Variants in KCNIP4 observed in about 807,000 individuals in gnomAD.
The protein encoded by KCNIP4 is Kv channel-interacting protein 4.
Under a neutral mutation model 34.0 loss-of-function variants are expected in KCNIP4, and 12 were observed. The observed-to-expected ratio is 0.35, with a 90% CI of 0.23 to 0.57. KCNIP4 has a LOEUF of 0.57. KCNIP4 is among the 20% of genes least tolerant of loss of function. The pLI is 0.83. For missense variants in KCNIP4, 238 were observed against 311.7 expected, an observed-to-expected ratio of 0.76 and a Z score of 1.78; for synonymous variants, 124 against 102.2, an observed-to-expected ratio of 1.21 and a Z score of -1.29.
chr4:21,379,509 T>C lies in KCNIP4; in HGVS notation c.62-496800A>G, dbSNP rs940931692. On this transcript the variant is annotated intron_variant, in intron 1 of 8. Coordinates refer to ENST00000382152, the MANE Select transcript of KCNIP4 (RefSeq NM_025221.6). ...ACTTCCAACAATGCTGCATTTAAGT[T>C]TTACTACTAGGTGGGAGAGTTTCTC... Among the ~76,000 whole-genome samples, 30 of 152,172 alleles carry C rather than the reference T, an allele frequency of 2.0e-4. 1 individual carries two copies. The highest frequency in any genetic ancestry group is 2.0e-3 in the Admixed American group (30 of 15,274).
chr4:20,963,264 T>C (rs1337102369), intron 1 of KCNIP4, among the ~76,000 whole-genome samples: 1 of 151,810 alleles, frequency 6.6e-6, no homozygotes, highest in East Asian at 1.9e-4. Context: ...GAATCAGAGG[T>C]TGCAGTGAGC....
At chr4:21,621,649 T>C (rs871500) in intron 1 of KCNIP4, among the ~76,000 whole-genome samples, 43,417 of 152,056 alleles carry the variant, frequency 0.29, 6,485 homozygotes, top group Non-Finnish European at 0.32. Context: ...CGAGCCACCA[T>C]GTTCGGCCAC....
intron 1 of KCNIP4, among the ~76,000 whole-genome samples, chr4:21,880,347 A>G (rs1726393135): frequency 1.3e-5 from 2 of 152,186 alleles, no homozygotes; most frequent in African/African-American, 2.4e-5. Context: ...AAGGTATGAA[A>G]TTTTAAGGCA....
At chr4:21,538,404 G>GAGGT (rs1473593823) in intron 1 of KCNIP4, among the ~76,000 whole-genome samples, 6 of 152,154 alleles carry the variant, frequency 3.9e-5, no homozygotes, top group Admixed American at 3.9e-4. Flanking sequence ...GAACAATGGA[G>GAGGT]AGGTATACCT....
chr4:21,390,938 T>A (rs111555398), intron 1 of KCNIP4, among the ~76,000 whole-genome samples: 1 of 152,214 alleles, frequency 6.6e-6, no homozygotes, highest in African/African-American at 2.4e-5. Context: ...CAACAGTGCA[T>A]GAAGGTTCTA....
At chr4:21,419,085 G>A (rs967004718) in intron 1 of KCNIP4, among the ~76,000 whole-genome samples, 2 of 152,138 alleles carry the variant, frequency 1.3e-5, no homozygotes, top group African/African-American at 4.8e-5. Flanking sequence ...ACTATGCATG[G>A]AATACGAATC....
At chr4:21,316,663 G>T (rs1040837088) in intron 1 of KCNIP4, among the ~76,000 whole-genome samples, 1 of 152,172 alleles carries the variant, frequency 6.6e-6, no homozygotes, top group Non-Finnish European at 1.5e-5. Context: ...CAGTCTGATA[G>T]CAAGTACAGA....
intron 1 of KCNIP4, among the ~76,000 whole-genome samples, chr4:21,926,057 CT>C (rs1334026745): frequency 6.6e-6 from 1 of 152,168 alleles, no homozygotes; most frequent in Non-Finnish European, 1.5e-5. Flanking sequence ...GAGTTGGTAA[CT>C]TGGAAAAGAT....
At chr4:20,776,006 T>A (rs1363954892) in intron 3 of KCNIP4, among the ~76,000 whole-genome samples, 1 of 152,222 alleles carries the variant, frequency 6.6e-6, no homozygotes, top group Admixed American at 6.5e-5. Flanking sequence ...TGTCTTCTGA[T>A]AAAGGTCCAG....
intron 1 of KCNIP4, among the ~76,000 whole-genome samples, chr4:21,132,124 G>A (rs142793889): frequency 1.4e-3 from 213 of 152,268 alleles, no homozygotes; most frequent in African/African-American, 1.9e-3. Context: ...GTGAAAAAAA[G>A]AGAATTTTGT....
chr4:20,730,628 CTT>C (rs957559997), intron 8 of KCNIP4, among the ~76,000 whole-genome samples: 5 of 152,116 alleles, frequency 3.3e-5, no homozygotes, highest in African/African-American at 1.2e-4. Flanking sequence ...AATCATCTCT[CTT>C]TCTGTCTGCT....
chr4:21,137,764 T>G (rs1751612636), intron 1 of KCNIP4, among the ~76,000 whole-genome samples: 1 of 152,054 alleles, frequency 6.6e-6, no homozygotes. Context: ...AAATAGGAAA[T>G]TTTTCCATAG....
chr4:20,831,142 G>T (rs1247903028), intron 3 of KCNIP4, among the ~76,000 whole-genome samples: 1 of 152,120 alleles, frequency 6.6e-6, no homozygotes, highest in South Asian at 2.1e-4. Flanking sequence ...TTTTGTGTGT[G>T]TATCTATTCC....
At chr4:21,014,245 C>T (rs1013908031) in intron 1 of KCNIP4, among the ~76,000 whole-genome samples, 2 of 152,184 alleles carry the variant, frequency 1.3e-5, no homozygotes, top group African/African-American at 2.4e-5. Flanking sequence ...AAGACCACCA[C>T]ATGCCCCATG....
At chr4:21,257,613 G>A (rs972954665) in intron 1 of KCNIP4, among the ~76,000 whole-genome samples, 2 of 151,994 alleles carry the variant, frequency 1.3e-5, no homozygotes, top group African/African-American at 4.8e-5. Flanking sequence ...AGCTGGGTAT[G>A]GTGGCATGCG....
At chr4:20,954,695 G>A (rs904245160) in intron 1 of KCNIP4, among the ~76,000 whole-genome samples, 2 of 152,174 alleles carry the variant, frequency 1.3e-5, no homozygotes, top group Non-Finnish European at 2.9e-5. Context: ...TCACTAATTA[G>A]TCACAGGGCT....
chr4:21,810,136 A>G (rs1267381391), intron 1 of KCNIP4, among the ~76,000 whole-genome samples: 4 of 152,230 alleles, frequency 2.6e-5, no homozygotes, highest in Non-Finnish European at 4.4e-5. Flanking sequence ...ACTGAGACCA[A>G]TGGAGACTGC....
intron 1 of KCNIP4, among the ~76,000 whole-genome samples, chr4:21,145,469 C>G (rs1167632513): frequency 6.6e-6 from 1 of 152,130 alleles, no homozygotes; most frequent in East Asian, 1.9e-4. Flanking sequence ...TGCAACTGAC[C>G]TATGAATTAC....
In KCNIP4 at chr4:21,130,279, T is replaced by A. The variant is rs554361006; in HGVS notation, c.62-247570A>T. 2.0e-5 allele frequency among the ~76,000 whole-genome samples: 3 copies of A among 152,326 alleles called. No homozygotes were observed. The South Asian group carries it at 6.2e-4, about 32-fold the overall frequency. On this transcript the variant is annotated intron_variant, in intron 1 of 8. Transcript: ENST00000382152. ...AATCAGTTGCTTGAGGTATCATTTC[T>A]AAAGATTTCCTAAATGATTCTAATG...
Sources: allele counts gnomAD v4.1 joint callset (sites outside exome capture counted in the v4.1 genomes callset), GRCh38; gene constraint gnomAD v4.1.1; transcripts MANE v1.5; gene names NCBI Gene and HGNC (gene_info 2026-07-23, HGNC 2026-07-21).